The following GTF2A1L variants were observed in gnomAD, a reference collection of about 807,000 sequenced individuals.
GTF2A1L encodes general transcription factor IIA subunit 1 like, also known as TFIIA-alpha and beta-like factor.
In GTF2A1L, 48 loss-of-function variants were observed where a neutral mutation model predicts 49.7. The ratio of observed to expected loss-of-function variants is 0.97; its 90% confidence interval spans 0.77 to 1.23. The LOEUF is 1.23. GTF2A1L is among the 50% of genes most tolerant of loss of function. GTF2A1L has a pLI of 0.00. For synonymous variants in GTF2A1L, 246 were observed against 193.5 expected, an observed-to-expected ratio of 1.27 and a Z score of -2.25; for missense variants, 736 against 564.8, an observed-to-expected ratio of 1.30 and a Z score of -3.07.
intron 8 of GTF2A1L, among the ~76,000 whole-genome samples, chr2:48,677,340 G>A (rs1035733910): frequency 6.6e-6 from 1 of 151,814 alleles, no homozygotes; most frequent in African/African-American, 2.4e-5. Flanking sequence ...GTGTCTAGGG[G>A]GGCCTTATTG....
At chr2:48,656,869 C>T (rs892312859) in intron 6 of GTF2A1L, among the ~76,000 whole-genome samples, 4 of 151,920 alleles carry the variant, frequency 2.6e-5, no homozygotes, top group African/African-American at 9.7e-5. Flanking sequence ...AGTTAATTTT[C>T]GTAGATGGTA....
chr2:48,648,776 C>CTTGT (rs1430731957), intron 6 of GTF2A1L, among the ~76,000 whole-genome samples: 2 of 152,000 alleles, frequency 1.3e-5, no homozygotes, highest in Non-Finnish European at 2.9e-5. Flanking sequence ...TTTCATGTAA[C>CTTGT]TTGTTTGTTA....
rs746694769 is a variant in GTF2A1L, at chr2:48,645,014, A to T, written c.304-19A>T. The T allele has an allele frequency of 6.3e-7, 1 of 1,582,370 alleles. No individual in the cohort carries two copies. The highest frequency in any genetic ancestry group is 2.3e-5 in the East Asian group (1 of 44,308). The stretch of plus-strand genomic sequence containing the variant: ...TAAAGTCCTTTTCTAACTTTCTAAT[A>T]TAAATTTCTTATATCTAGGGCACTT... On this transcript the variant is annotated intron_variant, in intron 4 of 8. Coordinates refer to ENST00000403751, the MANE Select transcript of GTF2A1L (RefSeq NM_006872.5).
Position 48,626,146 on chromosome 2 carries a change from C to T in GTF2A1L, c.247+4856C>T, listed in dbSNP as rs941275249. Among the ~76,000 whole-genome samples the T allele has an allele frequency of 2.1e-5, 3 of 144,098 alleles. No homozygotes were observed. In the East Asian group the frequency reaches 5.9e-4, roughly 28 times the overall value. The allele number at this position is 144,098 out of a possible 152,430, so 94.5% of individuals were successfully genotyped here. On this transcript the variant is annotated intron_variant, in intron 3 of 8. Transcript: ENST00000403751. The stretch of plus-strand genomic sequence containing the variant: ...AGAAACTATCCTTTCCCCATTGTGT[C>T]CTCTTAGCACCCTTGTTGAAAATCA...
intron 6 of GTF2A1L, among the ~76,000 whole-genome samples, chr2:48,658,734 A>G (rs1678318038): frequency 6.6e-6 from 1 of 152,100 alleles, no homozygotes; most frequent in Non-Finnish European, 1.5e-5. Context: ...GATTGCTTTC[A>G]GGAATTTATT....
intron 3 of GTF2A1L, among the ~76,000 whole-genome samples, chr2:48,623,265 A>G (rs1240764603): frequency 6.6e-6 from 1 of 152,136 alleles, no homozygotes; most frequent in Non-Finnish European, 1.5e-5. Context: ...AACTTCTAGA[A>G]TTTTTTTATC....
At chr2:48,657,763 GTTT>G (rs35946031) in intron 6 of GTF2A1L, among the ~76,000 whole-genome samples, 2 of 146,658 alleles carry the variant, frequency 1.4e-5, no homozygotes, top group Admixed American at 6.8e-5. Flanking sequence ...GGAATCTCTT[GTTT>G]TTTTTTTTTG....
chr2:48,637,611 A>C (rs1032286866), intron 3 of GTF2A1L, among the ~76,000 whole-genome samples: 7 of 152,194 alleles, frequency 4.6e-5, no homozygotes, highest in African/African-American at 1.4e-4. Context: ...AGAAGACAAG[A>C]AATGAACAAA....
chr2:48,645,947 C>CTTT (rs71399071), intron 5 of GTF2A1L, among the ~76,000 whole-genome samples: 5 of 144,370 alleles, frequency 3.5e-5, no homozygotes, highest in South Asian at 2.2e-4. Flanking sequence ...CGCGCCTGGC[C>CTTT]TTTTTTTTTT....
At chr2:48,671,795 A>G in intron 8 of GTF2A1L, 115 bp downstream of exon 8, 1 of 1,021,060 alleles carries the variant, frequency 9.8e-7, no homozygotes, top group Non-Finnish European at 1.4e-6. Flanking sequence ...TCAAAACAGC[A>G]GTTTAATTCT....
chr2:48,636,728 A>C (rs1676909517), intron 3 of GTF2A1L, among the ~76,000 whole-genome samples: 1 of 152,186 alleles, frequency 6.6e-6, no homozygotes, highest in African/African-American at 2.4e-5. Flanking sequence ...TAGGGTGACT[A>C]TATGTAATTT....
chr2:48,644,009 T>G (rs1299482427), intron 4 of GTF2A1L, among the ~76,000 whole-genome samples: 1 of 151,862 alleles, frequency 6.6e-6, no homozygotes, highest in Non-Finnish European at 1.5e-5. Context: ...TGTACAAAAT[T>G]TTTTTAAAAA....
At chr2:48,663,793 C>A (rs1209571521) in intron 6 of GTF2A1L, among the ~76,000 whole-genome samples, 1 of 152,066 alleles carries the variant, frequency 6.6e-6, no homozygotes. Context: ...GCACACACAA[C>A]CATACCTGGC....
chr2:48,666,584 G>GT (rs1678854529), intron 6 of GTF2A1L, among the ~76,000 whole-genome samples: 4 of 147,046 alleles, frequency 2.7e-5, no homozygotes, highest in African/African-American at 1.0e-4. Flanking sequence ...AACTTGTCAG[G>GT]GTGTGTGTGT....
intron 6 of GTF2A1L, among the ~76,000 whole-genome samples, chr2:48,657,127 G>T (rs1678223488): frequency 6.6e-6 from 1 of 151,984 alleles, no homozygotes; most frequent in Non-Finnish European, 1.5e-5. Flanking sequence ...TAAGATTCAG[G>T]GAGTACATGT....
chr2:48,619,591 G>A (rs1431061249), intron 1 of GTF2A1L, among the ~76,000 whole-genome samples: 2 of 152,020 alleles, frequency 1.3e-5, no homozygotes, highest in Admixed American at 6.5e-5. Context: ...GGATGAAAAG[G>A]CAATCCTAGA....
chr2:48,621,211 C>G lies in GTF2A1L; in HGVS notation c.168C>G (p.Phe56Leu). The G allele has an allele frequency of 6.2e-7, 1 of 1,614,042 alleles. No homozygotes were observed. The highest frequency in any genetic ancestry group is 8.5e-7 in the Non-Finnish European group (1 of 1,179,968). Residue 56 changes from phenylalanine to leucine, a missense_variant, in exon 3 of 9, where the codon TTC becomes TTG. By Grantham distance (22) the Phe-to-Leu change is conservative. Transcript: ENST00000403751. The part of the protein sequence containing the change: ...KVLQSKATED[F>L]FRNSIQSPLF... ...TGCAGTCTAAAGCAACAGAAGACTT[C>G]TTCAGAAATAGCATCCAATCACCTC... is the stretch of plus-strand genomic sequence containing the variant.
intron 6 of GTF2A1L, among the ~76,000 whole-genome samples, chr2:48,649,265 A>T (rs1677711993): frequency 6.6e-6 from 1 of 152,162 alleles, no homozygotes; most frequent in African/African-American, 2.4e-5. Context: ...TCAGAATTTC[A>T]TTCCTTTTTA....
intron 8 of GTF2A1L, among the ~76,000 whole-genome samples, chr2:48,677,600 C>T (rs749619977): frequency 4.6e-5 from 7 of 151,870 alleles, no homozygotes; most frequent in Non-Finnish European, 8.8e-5. Flanking sequence ...GAAATGACAT[C>T]TGATTTATGT....
Sources: allele counts gnomAD v4.1 joint callset (sites outside exome capture counted in the v4.1 genomes callset), GRCh38; gene constraint gnomAD v4.1.1; transcripts MANE v1.5; gene names NCBI Gene and HGNC (gene_info 2026-07-23, HGNC 2026-07-21).